The following TRAF2 variants were observed in gnomAD, a reference collection of about 807,000 sequenced individuals.
The protein encoded by TRAF2 is TNF receptor associated factor 2, also known as TNF receptor-associated factor 2.
Under a neutral mutation model 55.6 loss-of-function variants are expected in TRAF2, and 6 were observed. The observed-to-expected ratio is 0.11, with a 90% CI of 0.06 to 0.21. TRAF2 has a LOEUF of 0.21. TRAF2 is among the 10% of genes least tolerant of loss of function. The probability of loss-of-function intolerance (pLI) is 1.00; values close to 1 mark genes in which losing one functional copy is unlikely to be tolerated. For missense variants in TRAF2, 561 were observed against 684.5 expected, an observed-to-expected ratio of 0.82 and a Z score of 2.01; for synonymous variants, 329 against 276.3, an observed-to-expected ratio of 1.19 and a Z score of -1.89.
chr9:136,890,604 A>G (rs1849562422), intron 1 of TRAF2: 1 of 152,222 alleles, frequency 6.6e-6, no homozygotes, highest in Non-Finnish European at 1.5e-5. Flanking sequence ...GCACTGTCAG[A>G]AGTGTGCTAA....
At chr9:136,886,985 C>T (rs957032663) in intron 1 of TRAF2, among the ~76,000 whole-genome samples, 1 of 152,170 alleles carries the variant, frequency 6.6e-6, no homozygotes, top group Non-Finnish European at 1.5e-5. Context: ...GCTGCGTGCT[C>T]GGGAGGGTCA....
intron 3 of TRAF2, 45 bp from the exon 4 acceptor site, chr9:136,900,377 G>A: frequency 7.1e-7 from 1 of 1,415,352 alleles, no homozygotes; most frequent in South Asian, 1.3e-5. Context: ...GTTGCTGCAG[G>A]GAGTCTGGGA....
chr9:136,907,678 G>C (rs550091282), intron 4 of TRAF2, among the ~76,000 whole-genome samples: 1 of 152,254 alleles, frequency 6.6e-6, no homozygotes, highest in Non-Finnish European at 1.5e-5. Flanking sequence ...GTTGGGCTTG[G>C]TCATCAGATC....
intron 6 of TRAF2, among the ~76,000 whole-genome samples, chr9:136,913,107 C>G (rs558523548): frequency 2.0e-5 from 3 of 152,100 alleles, no homozygotes; most frequent in Admixed American, 2.0e-4. Context: ...CGCGCCAGTG[C>G]GCTCCAGCCT....
upstream of TRAF2, chr9:136,882,698 C>T (rs920195543): frequency 9.1e-6 from 9 of 985,526 alleles, no homozygotes; most frequent in South Asian, 9.4e-5. Flanking sequence ...CCCTGAGCTG[C>T]GCCATGGCCA....
intron 8 of TRAF2, among the ~76,000 whole-genome samples, 158 bp from the exon 9 acceptor site, chr9:136,920,880 G>T (rs1564421323): frequency 6.6e-6 from 1 of 152,224 alleles, no homozygotes; most frequent in Admixed American, 6.5e-5. Context: ...CTTGGCGAGG[G>T]TGGGGTTGGG....
At chr9:136,895,480 T>C (rs1226418238) in intron 1 of TRAF2, among the ~76,000 whole-genome samples, 1 of 152,242 alleles carries the variant, frequency 6.6e-6, no homozygotes, top group Admixed American at 6.5e-5. Context: ...GGCCCCCATC[T>C]TGGGGCTGTC....
chr9:136,920,158 C>T (rs981680421), intron 7 of TRAF2, 76 bp from the exon 8 acceptor site: 3 of 1,490,016 alleles, frequency 2.0e-6, no homozygotes, highest in African/African-American at 1.4e-5. Flanking sequence ...AGCTGAGGCC[C>T]ACGTCTTGGT....
intron 1 of TRAF2, among the ~76,000 whole-genome samples, chr9:136,893,825 C>T (rs1310049300): frequency 6.6e-6 from 1 of 152,070 alleles, no homozygotes; most frequent in Non-Finnish European, 1.5e-5. Flanking sequence ...TATCGGCTCA[C>T]TGCAACCTCT....
intron 6 of TRAF2, 81 bp downstream of exon 6, chr9:136,910,075 G>A (rs1850067504): frequency 1.4e-6 from 2 of 1,418,448 alleles, no homozygotes; most frequent in Admixed American, 1.9e-5. Flanking sequence ...TGGGGGTGGG[G>A]CAGGTTATGA....
chr9:136,899,933 A>G (rs2131292698), intron 3 of TRAF2, among the ~76,000 whole-genome samples: 1 of 152,270 alleles, frequency 6.6e-6, no homozygotes. Context: ...TGCAGGGCCA[A>G]AGTGGGTGGA....
At chr9:136,908,869 C>CA (rs1850024566) in intron 5 of TRAF2, among the ~76,000 whole-genome samples, 4 of 54,440 alleles carry the variant, frequency 7.3e-5, no homozygotes, top group East Asian at 7.5e-4. Context: ...GATTCCGTCT[C>CA]GGAAAAAAAA....
In TRAF2 at chr9:136,898,890, C is replaced by T; in HGVS notation, c.150C>T (p.Gly50=). 2 of 1,612,308 alleles carry T rather than the reference C, an allele frequency of 1.2e-6. No homozygotes were observed. Among genetic ancestry groups the T allele is most frequent in the Non-Finnish European group, 1.7e-6 (2 of 1,179,584 alleles). ...GCAGGCCCTTCCAGGCGCAGTGTGG[C>T]CACCGGTACTGCTCCTTCTGCCTGG... is the stretch of plus-strand genomic sequence containing the variant. ...VLRRPFQAQC[G]HRYCSFCLAS... is the part of the protein sequence containing the mutation. Residue 50 remains glycine, a synonymous_variant, in exon 2 of 11, where the codon GGC becomes GGT. Coordinates refer to ENST00000247668, the MANE Select transcript of TRAF2 (RefSeq NM_021138.4).
chr9:136,899,639 T>C lies in TRAF2; in HGVS notation c.234T>C (p.Tyr78=), dbSNP rs759891354. The change falls in exon 3 of 11, where the codon TAT becomes TAC. Residue 78 remains tyrosine (Y), a synonymous_variant. Coordinates refer to ENST00000247668, the MANE Select transcript of TRAF2 (RefSeq NM_021138.4). ...NCAACVHEGI[Y]EEGISILESS... ...CTGCCTGTGTTCACGAGGGCATATA[T>C]GAAGAAGGCATTTCTATTTTAGAAA... 7 of 1,613,210 alleles carry C rather than the reference T, an allele frequency of 4.3e-6. No individual in the cohort carries two copies. In the African/African-American group the frequency reaches 8.0e-5, roughly 18 times the overall value.
chr9:136,884,123 T>C (rs1849405488), upstream of TRAF2, among the ~76,000 whole-genome samples: 1 of 151,854 alleles, frequency 6.6e-6, no homozygotes, highest in Non-Finnish European at 1.5e-5. Flanking sequence ...CTTTTGTATT[T>C]TTTTAGTAGA....
intron 1 of TRAF2, among the ~76,000 whole-genome samples, chr9:136,891,355 G>A (rs919564254): frequency 7.2e-5 from 11 of 151,856 alleles, no homozygotes; most frequent in South Asian, 2.1e-4. Context: ...TGATCCGCCC[G>A]CCTCGGCCTC....
chr9:136,918,216 G>T (rs1850285783), intron 7 of TRAF2, among the ~76,000 whole-genome samples: 1 of 138,054 alleles, frequency 7.2e-6, no homozygotes, highest in African/African-American at 2.7e-5. Flanking sequence ...AATTTTTTTA[G>T]AGTGTTTTGT....
intron 1 of TRAF2, among the ~76,000 whole-genome samples, chr9:136,888,991 G>A (rs1367366175): frequency 6.6e-6 from 1 of 151,954 alleles, no homozygotes; most frequent in African/African-American, 2.4e-5. Context: ...TCAGCCTCCC[G>A]AGTAGCTGGA....
At chr9:136,910,218 C>T in intron 6 of TRAF2, 1 of 592,886 alleles carries the variant, frequency 1.7e-6, no homozygotes, top group East Asian at 2.8e-5. Flanking sequence ...CCTCATCCTC[C>T]AGTGTACATA....
Sources: gnomAD v4.1 joint callset for allele counts (sites outside exome capture counted in the v4.1 genomes callset) on GRCh38, gnomAD v4.1.1 for gene constraint, MANE v1.5 for transcripts, NCBI Gene and HGNC (gene_info 2026-07-23, HGNC 2026-07-21) for gene names.